Variants in MAML2 observed in about 807,000 individuals in gnomAD.
MAML2 encodes the protein mastermind-like protein 2.
A neutral mutation model predicts 96.1 loss-of-function variants in MAML2; 22 were observed. That is an observed-to-expected ratio of 0.23 (90% confidence interval 0.16 to 0.33). The LOEUF (loss-of-function observed/expected upper bound fraction) is 0.33. Among genes scored for constraint, MAML2 ranks in the 10% least tolerant of loss-of-function variants. The pLI is 1.00. For missense variants in MAML2, 1,367 were observed against 1,392.4 expected (o/e 0.98, Z 0.29); for synonymous variants, 561 against 521.3 (o/e 1.08, Z -1.04).
chr11:95,976,810 T>C lies in MAML2; in HGVS notation c.*2138A>G, dbSNP rs1010116193. ...GTGCTGGCAGATATATACAGTAACA[T>C]GGAGGAGCCATACAACAAAAGCGTT... On this transcript the variant is annotated 3_prime_UTR_variant, in exon 5 of 5. Transcript: ENST00000524717. 2.7e-5 allele frequency: 5 copies of C among 185,714 alleles called. No homozygotes were observed. Among genetic ancestry groups the C allele is most frequent in the African/African-American group, 1.2e-4 (5 of 42,700 alleles). The allele number at this position is 185,714 out of a possible 1,614,324, so 11.5% of individuals were successfully genotyped here.
chr11:96,084,619 T>G (rs113620116), intron 2 of MAML2, among the ~76,000 whole-genome samples: 1 of 152,152 alleles, frequency 6.6e-6, no homozygotes, highest in African/African-American at 2.4e-5. Context: ...GAAACAGTCT[T>G]AAGTCAGTCA....
At chr11:96,191,772 A>C (rs1450965830) in intron 1 of MAML2, among the ~76,000 whole-genome samples, 2 of 144,468 alleles carry the variant, frequency 1.4e-5, no homozygotes, top group African/African-American at 2.6e-5. Context: ...CTCTGTCTCA[A>C]AAAAAAAAAA....
chr11:96,172,379 T>C (rs16923170), intron 1 of MAML2, among the ~76,000 whole-genome samples: 2,738 of 152,254 alleles, frequency 0.018, 92 homozygotes, highest in African/African-American at 0.062. Context: ...GTTCAGAGAG[T>C]CTCCTTCTCA....
chr11:96,100,647 C>T (rs544671342), intron 1 of MAML2, among the ~76,000 whole-genome samples: 6 of 151,474 alleles, frequency 4.0e-5, no homozygotes, highest in African/African-American at 1.5e-4. Context: ...TCAGAGGAGG[C>T]ATATTAGATC....
intron 1 of MAML2, among the ~76,000 whole-genome samples, chr11:96,309,925 AC>A (rs1699487826): frequency 6.6e-6 from 1 of 151,868 alleles, no homozygotes; most frequent in African/African-American, 2.4e-5. Context: ...CCGGTCTTAA[AC>A]TCCTGGACTC....
intron 1 of MAML2, among the ~76,000 whole-genome samples, chr11:96,319,052 T>C (rs2136009616): frequency 6.6e-6 from 1 of 152,320 alleles, no homozygotes; most frequent in African/African-American, 2.4e-5. Flanking sequence ...GAGATAAGGT[T>C]GTAAATGCTG....
intron 1 of MAML2, among the ~76,000 whole-genome samples, chr11:96,111,388 T>A (rs774118080): frequency 2.0e-5 from 3 of 152,214 alleles, no homozygotes; most frequent in Admixed American, 6.5e-5. Flanking sequence ...CATACGCAGA[T>A]GCAATTTATC....
chr11:96,240,434 CAGCTACTCGGG>C (rs1166035857), intron 1 of MAML2, among the ~76,000 whole-genome samples: 1 of 151,144 alleles, frequency 6.6e-6, no homozygotes, highest in Non-Finnish European at 1.5e-5. Context: ...CCTGTAGTCC[CAGCTACTCGGG>C]AGGCTGAGGC....
intron 2 of MAML2, among the ~76,000 whole-genome samples, chr11:96,041,434 G>A (rs1858807501): frequency 6.6e-6 from 1 of 151,754 alleles, no homozygotes; most frequent in African/African-American, 2.4e-5. Context: ...CCAGGAGGTG[G>A]AGGTTACAGT....
intron 2 of MAML2, among the ~76,000 whole-genome samples, chr11:96,004,574 G>A (rs1858147036): frequency 6.6e-6 from 1 of 152,068 alleles, no homozygotes; most frequent in African/African-American, 2.4e-5. Context: ...ATTCTCACAT[G>A]TCTCATGTGA....
intron 1 of MAML2, among the ~76,000 whole-genome samples, chr11:96,218,124 A>G (rs150875676): frequency 1.3e-5 from 2 of 152,306 alleles, no homozygotes; most frequent in Middle Eastern, 3.4e-3. Context: ...AGGTACTTGT[A>G]CTAATTCCAA....
chr11:96,231,130 TA>T (rs1252867787), intron 1 of MAML2, among the ~76,000 whole-genome samples: 4 of 152,216 alleles, frequency 2.6e-5, no homozygotes, highest in African/African-American at 9.6e-5. Flanking sequence ...AAATCATATA[TA>T]GGGGGTTTTA....
rs376342300 is a variant in MAML2, at chr11:96,180,552, G to A, written c.514-87035C>T. Among the ~76,000 whole-genome samples, 166 of 152,312 alleles carry A rather than the reference G, an allele frequency of 1.1e-3. 3 individuals are homozygous for A. The highest frequency in any genetic ancestry group is 3.4e-3 in the Middle Eastern group (1 of 294). ...ACAGCCAGCAGCAACCACTAAACAT[G>A]TGAGTGAGAGAACCTTCATATGACT... On this transcript the variant is annotated intron_variant, in intron 1 of 4. Coordinates refer to ENST00000524717, the MANE Select transcript of MAML2 (RefSeq NM_032427.4).
chr11:96,161,217 T>C (rs1008407576), intron 1 of MAML2, among the ~76,000 whole-genome samples: 1 of 152,192 alleles, frequency 6.6e-6, no homozygotes, highest in Non-Finnish European at 1.5e-5. Context: ...ATTTAGACCC[T>C]GAAACGGGAG....
intron 1 of MAML2, among the ~76,000 whole-genome samples, chr11:96,255,397 G>A (rs1161473257): frequency 6.6e-6 from 1 of 152,206 alleles, no homozygotes; most frequent in East Asian, 1.9e-4. Context: ...GAGGAACTGG[G>A]AAGTTGAGTT....
chr11:96,163,343 A>C (rs982657201), intron 1 of MAML2, among the ~76,000 whole-genome samples: 3 of 151,938 alleles, frequency 2.0e-5, no homozygotes, highest in East Asian at 3.9e-4. Flanking sequence ...AGTTCTATCA[A>C]CTCTTCCAGC....
At chr11:96,319,961 C>A (rs1298731061) in intron 1 of MAML2, among the ~76,000 whole-genome samples, 1 of 152,154 alleles carries the variant, frequency 6.6e-6, no homozygotes, top group Non-Finnish European at 1.5e-5. Context: ...CTGAATTTGG[C>A]AAAGTACCTA....
In MAML2 at chr11:96,092,205, T is replaced by G; in HGVS notation, c.1826A>C (p.Gln609Pro). ...QQQQQQQQQQ[Q>P]QQQQQQQQQQ... The stretch of plus-strand genomic sequence containing the variant: ...TTGCTGTTGCTGTTGCTGCTGCTGC[T>G]GCTGTTGCTGCTGCTGCTGCTGCTG... The change falls in exon 2 of 5, where the codon CAG becomes CCG. Residue 609 changes from glutamine to proline, a missense_variant. Physicochemically the swap from Gln to Pro is moderately conservative, Grantham distance 76. Transcript: ENST00000524717. This position sits in a 1 kb window ranked among gnomAD's most constrained non-coding sequence, Gnocchi z 4.1. The G allele has an allele frequency of 6.7e-7, 1 of 1,482,182 alleles. No homozygotes were observed. The highest frequency in any genetic ancestry group is 8.9e-7 in the Non-Finnish European group (1 of 1,119,406). 91.8% of individuals were successfully genotyped at this position (1,482,182 alleles called of 1,614,324 possible). A position where few individuals can be genotyped will look rare whatever the true frequency, so the allele number is the denominator to read the frequency against.
At chr11:96,232,261 T>C (rs1862304192) in intron 1 of MAML2, among the ~76,000 whole-genome samples, 1 of 152,190 alleles carries the variant, frequency 6.6e-6, no homozygotes. Flanking sequence ...TGCGTAACAC[T>C]ATGCTTTAAA....
Sources: allele counts gnomAD v4.1 joint callset (sites outside exome capture counted in the v4.1 genomes callset), GRCh38; gene constraint gnomAD v4.1.1; non-coding constraint Gnocchi (gnomAD v3.1); transcripts MANE v1.5; gene names NCBI Gene and HGNC (gene_info 2026-07-23, HGNC 2026-07-21).